HOXB3: variants seen among roughly 807,000 people sequenced by gnomAD.
HOXB3 encodes homeobox protein Hox-B3.
Under a neutral mutation model 29.2 loss-of-function variants are expected in HOXB3, and 17 were observed. The observed-to-expected ratio is 0.58, with a 90% CI of 0.40 to 0.87. HOXB3 has a LOEUF of 0.87. Ranked by LOEUF, HOXB3 falls within the 40% of genes least tolerant of loss-of-function variation. The pLI is 0.00. For synonymous variants in HOXB3, 317 were observed against 285.9 expected, an observed-to-expected ratio of 1.11 and a Z score of -1.10; for missense variants, 637 against 616.3, an observed-to-expected ratio of 1.03 and a Z score of -0.35.
At chr17:48,564,860 C>G (rs1013133854) in intron 2 of HOXB3, among the ~76,000 whole-genome samples, 1 of 152,198 alleles carries the variant, frequency 6.6e-6, no homozygotes, top group African/African-American at 2.4e-5. Flanking sequence ...AAGGATCAGA[C>G]GGGCGAGAAA....
intron 1 of HOXB3, chr17:48,580,316 CT>C (rs749178051): frequency 0.05 from 5,067 of 101,180 alleles, 96 homozygotes; most frequent in South Asian, 0.061. Context: ...CCCCCCAGGA[CT>C]TTTTTTTTTT....
chr17:48,568,073 T>A (rs2069447613), intron 2 of HOXB3, among the ~76,000 whole-genome samples: 1 of 152,228 alleles, frequency 6.6e-6, no homozygotes, highest in Non-Finnish European at 1.5e-5. Context: ...GAACTTTGAT[T>A]TGGTCTCCAT....
intron 2 of HOXB3, among the ~76,000 whole-genome samples, chr17:48,560,591 C>A (rs2069157446): frequency 6.6e-6 from 1 of 152,222 alleles, no homozygotes; most frequent in South Asian, 2.1e-4. Flanking sequence ...CCTCCCCTCC[C>A]CTGCTAGCCT....
rs747646323 is a variant in HOXB3 at position 48,552,127 on chromosome 17, C to G, written c.348G>C (p.Lys116Asn). Reference sequence around the variant, plus strand: ...GGGTGGAGTTGGTGCCGGGACCGCACTTTGGGGGACCACTTTTGCTGGGCC... The same window carrying G: ...GGGTGGAGTTGGTGCCGGGACCGCAGTTTGGGGGACCACTTTTGCTGGGCC... Reference protein sequence around the residue: ...GGGPSKSGPPKCGPGTNSTLT... With the variant: ...GGGPSKSGPPNCGPGTNSTLT... The change falls in exon 4 of 5, where the codon AAG becomes AAC. Residue 116 changes from lysine (K) to asparagine (N), a missense_variant. Coordinates refer to ENST00000498678, the MANE Select transcript of HOXB3 (RefSeq NM_001384749.1). The G allele has an allele frequency of 2.7e-5, 44 of 1,613,824 alleles. No homozygotes were observed. In the South Asian group the frequency reaches 4.6e-4, roughly 17 times the overall value.
At chr17:48,574,553 A>G (rs2069699364) in intron 1 of HOXB3, 1 of 152,194 alleles carries the variant, frequency 6.6e-6, no homozygotes, top group African/African-American at 2.4e-5. Context: ...ATGGGACTGA[A>G]AAAACGACTT....
At chr17:48,571,464 GTCA>G in intron 2 of HOXB3, among the ~76,000 whole-genome samples, 1 of 152,362 alleles carries the variant, frequency 6.6e-6, no homozygotes, top group South Asian at 2.1e-4. Flanking sequence ...AGGGAAAGAA[GTCA>G]AAAGGTTGGG....
chr17:48,555,188 A>G (rs1049543608), intron 3 of HOXB3, among the ~76,000 whole-genome samples: 1 of 152,044 alleles, frequency 6.6e-6, no homozygotes, highest in African/African-American at 2.4e-5. Context: ...AATGGGAGAA[A>G]GAAAAATAAC....
intron 1 of HOXB3, chr17:48,578,105 C>A: frequency 8.0e-7 from 1 of 1,242,608 alleles, no homozygotes; most frequent in Non-Finnish European, 1.0e-6. Context: ...CGGCGGGGGC[C>A]CAGGGTCCCG....
In HOXB3 at chr17:48,552,583, C is replaced by CCA; in HGVS notation, c.-110_-109insTG. 1.3e-6 allele frequency: 1 copy of CCA among 743,742 alleles called. No homozygotes were observed. The highest frequency in any genetic ancestry group is 2.0e-5 in the South Asian group (1 of 50,882). 46.1% of individuals were successfully genotyped at this position (743,742 alleles called of 1,614,324 possible). ...CGTGACACGCCGGACCCCCCCCCCC[C>CCA]ACCTCCCCTCTCTGCCCCCCTCCTC... On this transcript the variant is annotated 5_prime_UTR_variant, in exon 4 of 5. An upstream open reading frame in the 5' UTR gains an earlier in-frame stop. Transcript: ENST00000498678.
chr17:48,569,071 T>C, intron 2 of HOXB3, among the ~76,000 whole-genome samples: 1 of 150,448 alleles, frequency 6.6e-6, no homozygotes, highest in African/African-American at 2.4e-5. Flanking sequence ...CCCCCCTCTC[T>C]TTTTTTTTCT....
In HOXB3 at chr17:48,556,580, C is replaced by G. The variant is rs1415282595; in HGVS notation, c.-246-962G>C. On this transcript the variant is annotated intron_variant, in intron 2 of 4. Coordinates refer to ENST00000498678, the MANE Select transcript of HOXB3 (RefSeq NM_001384749.1). Reference sequence around the variant, plus strand: ...AAAAAAAAAAAAAAAAAACACCCCTCCCCCTTTTTCTTTTTGAGAACAGAC... The same window carrying G: ...AAAAAAAAAAAAAAAAAACACCCCTGCCCCTTTTTCTTTTTGAGAACAGAC... 6 of 150,584 alleles carry G rather than the reference C, an allele frequency of 4.0e-5. No individual in the cohort carries two copies. The East Asian group carries it at 1.2e-3, about 29-fold the overall frequency. The allele number at this position is 150,584 out of a possible 1,614,324, so 9.3% of individuals were successfully genotyped here. A position where few individuals can be genotyped will look rare whatever the true frequency, so the allele number is the denominator to read the frequency against.
At position 48,550,518 on chromosome 17, in the gene HOXB3, TAGAG is replaced by T; in HGVS notation, c.1108_1111del (p.Leu370MetfsTer58). On this transcript the variant is annotated frameshift_variant, in exon 5 of 5. Transcript: ENST00000498678. LOFTEE classifies it high-confidence loss of function. ...GTGATGGGAAAGGTGGTTGAGGCCATAGAGGGAGGGGCCGGCAGGGGGCGGCAGC... is the reference window on the plus strand; with the variant it reads ...GTGATGGGAAAGGTGGTTGAGGCCATGGAGGGGCCGGCAGGGGGCGGCAGC... 6.3e-7 allele frequency: 1 copy of T among 1,579,104 alleles called. No individual in the cohort carries two copies. Among genetic ancestry groups the T allele is most frequent in the Non-Finnish European group, 8.6e-7 (1 of 1,168,842 alleles).
chr17:48,551,889 G>C, intron 4 of HOXB3, 138 bp downstream of exon 4: 1 of 762,564 alleles, frequency 1.3e-6, no homozygotes, highest in East Asian at 2.5e-5. Context: ...GGGGGTAGGG[G>C]TATCAAAAAT....
Position 48,550,634 on chromosome 17 carries a change from G to T in HOXB3, c.996C>A (p.His332Gln). ...AGGCGCCCCCGTTGGCTTGGAGGAC[G>T]TGCGGCTCATACTCGGGCGCCGGGG... Reference protein sequence around the residue: ...PPTPAPEYEPHVLQANGGAYG... With the variant: ...PPTPAPEYEPQVLQANGGAYG... Residue 332 changes from histidine to glutamine, a missense_variant, in exon 5 of 5, where the codon CAC becomes CAA. His to Gln is a conservative substitution (Grantham distance 24). Transcript: ENST00000498678. 6.6e-7 allele frequency: 1 copy of T among 1,524,338 alleles called. No homozygotes were observed. Among genetic ancestry groups the T allele is most frequent in the East Asian group, 2.3e-5 (1 of 44,162 alleles). The allele number at this position is 1,524,338 out of a possible 1,614,324, so 94.4% of individuals were successfully genotyped here. A position where few individuals can be genotyped will look rare whatever the true frequency, so the allele number is the denominator to read the frequency against.
At chr17:48,557,153 G>A (rs2069023192) in intron 2 of HOXB3, 1 of 152,420 alleles carries the variant, frequency 6.6e-6, no homozygotes, top group Non-Finnish European at 1.5e-5. Flanking sequence ...CCCAAAGCAG[G>A]AGTGTTTGCA....
At chr17:48,574,154 T>C (rs942802307) in intron 1 of HOXB3, 140 bp from the exon 2 acceptor site, 5 of 392,986 alleles carry the variant, frequency 1.3e-5, no homozygotes, top group African/African-American at 1.0e-4. Context: ...AGAAATCTTT[T>C]TTTTTTAAAT....
In HOXB3 at chr17:48,552,223, C is replaced by T. The variant is rs757962551; in HGVS notation, c.252G>A (p.Ser84=). Residue 84 remains serine (S), a synonymous_variant, in exon 4 of 5, where the codon TCG becomes TCA. Transcript: ENST00000498678. ...TGGGCGGGGGTGAGCCAGGCGGGGC[C>T]GACAGGGGCTCGGGGGCCAGACCCG... ...MRPGLAPEPL[S]APPGSPPPSA... The T allele has an allele frequency of 1.6e-5, 25 of 1,612,686 alleles. No individual in the cohort carries two copies. The highest frequency in any genetic ancestry group is 2.0e-5 in the Non-Finnish European group (24 of 1,179,724).
chr17:48,558,428 A>G (rs1481129190), intron 2 of HOXB3, among the ~76,000 whole-genome samples: 3 of 152,188 alleles, frequency 2.0e-5, no homozygotes, highest in Non-Finnish European at 4.4e-5. Flanking sequence ...CAGAGGACAT[A>G]TACCCCCAAA....
intron 3 of HOXB3, 146 bp from the exon 4 acceptor site, chr17:48,552,778 C>T: frequency 2.7e-6 from 1 of 369,342 alleles, no homozygotes. Flanking sequence ...AAAAAAAAGC[C>T]CACCAGTTTT....
Sources: gnomAD v4.1 joint callset for allele counts (sites outside exome capture counted in the v4.1 genomes callset) on GRCh38, gnomAD v4.1.1 for gene constraint, MANE v1.5 for transcripts, NCBI Gene and HGNC (gene_info 2026-07-23, HGNC 2026-07-21) for gene names.